TMEM132D: variants seen among roughly 807,000 people sequenced by gnomAD.
TMEM132D encodes the protein mature OL transmembrane protein.
In TMEM132D, 21 loss-of-function variants were observed where a neutral mutation model predicts 62.3. That is an observed-to-expected ratio of 0.34 (90% CI 0.24 to 0.49). TMEM132D has a LOEUF of 0.49. Among genes scored for constraint, TMEM132D ranks in the 20% least tolerant of loss-of-function variants. TMEM132D has a pLI of 0.99. For synonymous variants in TMEM132D, 621 were observed against 575.6 expected, an observed-to-expected ratio of 1.08 and a Z score of -1.13; for missense variants, 1,346 against 1,402.8, an observed-to-expected ratio of 0.96 and a Z score of 0.65.
At chr12:129,627,627 T>C (rs1460030361) in intron 2 of TMEM132D, among the ~76,000 whole-genome samples, 5 of 151,910 alleles carry the variant, frequency 3.3e-5, no homozygotes, top group African/African-American at 1.2e-4. Context: ...CACTAATATA[T>C]ACACAAGTAT....
intron 3 of TMEM132D, among the ~76,000 whole-genome samples, chr12:129,366,672 C>T (rs1261263370): frequency 2.6e-5 from 4 of 152,174 alleles, no homozygotes; most frequent in African/African-American, 4.8e-5. Flanking sequence ...TGTCCTAAGA[C>T]GTGATTTGAC....
chr12:129,491,052 C>T (rs1267592427), intron 3 of TMEM132D, among the ~76,000 whole-genome samples: 2 of 152,052 alleles, frequency 1.3e-5, no homozygotes, highest in Non-Finnish European at 2.9e-5. Flanking sequence ...AATATGGGGT[C>T]CCAACTCTAA....
chr12:129,126,144 A>C (rs910906933), intron 5 of TMEM132D, among the ~76,000 whole-genome samples: 14 of 152,130 alleles, frequency 9.2e-5, no homozygotes, highest in African/African-American at 2.4e-4. Context: ...CTTAAGGTAC[A>C]TGTCTTTAAA....
At chr12:129,593,302 T>A (rs759827799) in intron 2 of TMEM132D, among the ~76,000 whole-genome samples, 1 of 152,202 alleles carries the variant, frequency 6.6e-6, no homozygotes, top group Non-Finnish European at 1.5e-5. Context: ...AATGGCATCC[T>A]GGCAAAACTA....
chr12:129,292,867 T>C (rs1881483607), intron 4 of TMEM132D, among the ~76,000 whole-genome samples: 1 of 152,200 alleles, frequency 6.6e-6, no homozygotes, highest in Non-Finnish European at 1.5e-5. Flanking sequence ...CAGGAAATGC[T>C]AAGGATCTGA....
intron 4 of TMEM132D, among the ~76,000 whole-genome samples, chr12:129,335,710 A>G (rs1384697298): frequency 2.7e-5 from 4 of 147,174 alleles, no homozygotes; most frequent in Non-Finnish European, 6.1e-5. Context: ...GATGCTGTTC[A>G]TTGCCTTAGA....
intron 3 of TMEM132D, among the ~76,000 whole-genome samples, chr12:129,347,228 C>T (rs924219831): frequency 6.6e-6 from 1 of 152,002 alleles, no homozygotes; most frequent in Non-Finnish European, 1.5e-5. Context: ...CATATGGAAC[C>T]AAAAAAGAGC....
chr12:129,491,522 G>T (rs559243387), intron 3 of TMEM132D, among the ~76,000 whole-genome samples: 1 of 152,098 alleles, frequency 6.6e-6, no homozygotes, highest in Non-Finnish European at 1.5e-5. Flanking sequence ...GGTCCTCCCC[G>T]CTGTCTCCTA....
At chr12:129,553,108 T>C (rs1431802858) in intron 2 of TMEM132D, among the ~76,000 whole-genome samples, 1 of 152,140 alleles carries the variant, frequency 6.6e-6, no homozygotes, top group Admixed American at 6.5e-5. Context: ...GCCAGGCTCT[T>C]CCCCTTTTGA....
chr12:129,248,346 G>T (rs947417134), intron 4 of TMEM132D, among the ~76,000 whole-genome samples: 5 of 152,112 alleles, frequency 3.3e-5, no homozygotes, highest in Non-Finnish European at 7.3e-5. Context: ...TCTTAAAATA[G>T]GGATGTCATT....
intron 2 of TMEM132D, among the ~76,000 whole-genome samples, chr12:129,569,708 T>C (rs2137118481): frequency 1.3e-5 from 2 of 152,304 alleles, no homozygotes; most frequent in African/African-American, 4.8e-5. Context: ...CCCTGCAGGC[T>C]TTATGAAATG....
At chr12:129,088,016 G>GA (rs201109080) in intron 5 of TMEM132D, among the ~76,000 whole-genome samples, 2 of 96,298 alleles carry the variant, frequency 2.1e-5, no homozygotes, top group African/African-American at 8.7e-5. Flanking sequence ...CCATGACCGG[G>GA]TGTCCTCCAT....
At chr12:129,769,766 A>G (rs1870672158) in intron 1 of TMEM132D, among the ~76,000 whole-genome samples, 2 of 152,198 alleles carry the variant, frequency 1.3e-5, no homozygotes, top group African/African-American at 2.4e-5. Context: ...TTTTGAATCT[A>G]TTAAGGGGTG....
intron 3 of TMEM132D, among the ~76,000 whole-genome samples, chr12:129,508,560 C>T (rs1307237840): frequency 6.6e-6 from 1 of 152,160 alleles, no homozygotes; most frequent in Non-Finnish European, 1.5e-5. Flanking sequence ...ACAGCTAGGA[C>T]ATCCTGCCTC....
intron 3 of TMEM132D, among the ~76,000 whole-genome samples, chr12:129,348,624 T>A (rs1869765581): frequency 1.3e-5 from 2 of 152,248 alleles, no homozygotes; most frequent in South Asian, 2.1e-4. Context: ...AAAACCTAGA[T>A]GATGGGTTGA....
chr12:129,155,254 C>T (rs1349518135), intron 5 of TMEM132D, among the ~76,000 whole-genome samples: 1 of 152,230 alleles, frequency 6.6e-6, no homozygotes, highest in Non-Finnish European at 1.5e-5. Context: ...ACTTTCCAAG[C>T]TTCTCCAGGT....
At chr12:129,303,159 C>T (rs898073272) in intron 4 of TMEM132D, among the ~76,000 whole-genome samples, 9 of 151,174 alleles carry the variant, frequency 6.0e-5, no homozygotes, top group Admixed American at 1.3e-4. Context: ...CATCACTCGC[C>T]GGGACTCTGC....
At chr12:129,441,403 C>T (rs991720374) in intron 3 of TMEM132D, among the ~76,000 whole-genome samples, 13 of 152,138 alleles carry the variant, frequency 8.5e-5, no homozygotes, top group African/African-American at 1.7e-4. Flanking sequence ...TTGTGAATGG[C>T]GCATCTCTAG....
chr12:129,452,398 C>T (rs1019124736), intron 3 of TMEM132D, among the ~76,000 whole-genome samples: 2 of 152,296 alleles, frequency 1.3e-5, no homozygotes, highest in East Asian at 1.9e-4. Flanking sequence ...TTTCATCTTC[C>T]GTGCTTACAA....
Sources: allele counts gnomAD v4.1 joint callset (sites outside exome capture counted in the v4.1 genomes callset), GRCh38; gene constraint gnomAD v4.1.1; transcripts MANE v1.5; gene names NCBI Gene and HGNC (gene_info 2026-07-23, HGNC 2026-07-21).